The following UBQLN2 variants were observed in gnomAD, a reference collection of about 807,000 sequenced individuals.
UBQLN2 encodes the protein ubiquilin 2.
Under a neutral mutation model 22.2 loss-of-function variants are expected in UBQLN2, and 2 were observed. The observed-to-expected ratio is 0.09, with a 90% CI of 0.04 to 0.28. UBQLN2 has a LOEUF of 0.28. Ranked by LOEUF, UBQLN2 falls within the 10% of genes least tolerant of loss-of-function variation. The probability of loss-of-function intolerance (pLI) is 1.00; values close to 1 mark genes in which losing one functional copy is unlikely to be tolerated. For missense variants in UBQLN2, 446 were observed against 505.1 expected (o/e 0.88, Z 1.12); for synonymous variants, 252 against 206.7 (o/e 1.22, Z -1.88).
rs777889542 is a variant in UBQLN2, at chrX:56,566,157, T to C, written c.*409T>C. The stretch of plus-strand genomic sequence containing the variant: ...ACCTTCACAGTTGGGTGAACAAGTG[T>C]TGTCCTACAGATGTCCAATTTATTT... On this transcript the variant is annotated 3_prime_UTR_variant, in exon 1 of 1. Coordinates refer to ENST00000338222, the MANE Select transcript of UBQLN2 (RefSeq NM_013444.4). 1.5e-5 allele frequency: 3 copies of C among 201,138 alleles called. No homozygotes were observed. Among genetic ancestry groups the C allele is most frequent in the African/African-American group, 3.0e-5 (1 of 33,873 alleles). The allele number at this position is 201,138 out of a possible 1,213,427, so 16.6% of individuals were successfully genotyped here.
At position 56,565,136 on chromosome X, in the gene UBQLN2, G is replaced by A; in HGVS notation, c.1263G>A (p.Gln421=). Residue 421 remains glutamine (Q), a synonymous_variant, in exon 1 of 1, where the codon CAG becomes CAA. Coordinates refer to ENST00000338222, the MANE Select transcript of UBQLN2 (RefSeq NM_013444.4). ...GCCCGCTGTTTACTGCAAATCCTCA[G>A]CTGCAGGAGCAGATGCGGCCACAGC... ...LNSPLFTANP[Q]LQEQMRPQLP... 1 of 1,211,898 alleles carries A rather than the reference G, an allele frequency of 8.3e-7. No individual in the cohort carries two copies. The highest frequency in any genetic ancestry group is 2.2e-5 in the Admixed American group (1 of 46,124).
At position 56,565,664 on chromosome X, in the gene UBQLN2, T is replaced by G. The variant is rs1221317465; in HGVS notation, c.1791T>G (p.Arg597=). The part of the protein sequence containing the change: ...EQLNAMGFLN[R]EANLQALIAT... Reference sequence around the variant, plus strand: ...TCAACGCAATGGGGTTCTTAAACCGTGAAGCAAACTTGCAGGCCCTAATAG... The same window carrying G: ...TCAACGCAATGGGGTTCTTAAACCGGGAAGCAAACTTGCAGGCCCTAATAG... The change falls in exon 1 of 1, where the codon CGT becomes CGG. Residue 597 remains arginine (R), a synonymous_variant. Coordinates refer to ENST00000338222, the MANE Select transcript of UBQLN2 (RefSeq NM_013444.4). 8.3e-7 allele frequency: 1 copy of G among 1,210,584 alleles called. No individual in the cohort carries two copies. Among genetic ancestry groups the G allele is most frequent in the Non-Finnish European group, 1.1e-6 (1 of 895,283 alleles).
At position 56,564,921 on chromosome X, in the gene UBQLN2, A is replaced by AGTAC; in HGVS notation, c.1048_1049insGTAC (p.Thr350SerfsTer10). 1 of 1,211,031 alleles carries AGTAC rather than the reference A, an allele frequency of 8.3e-7. No homozygotes were observed. On this transcript the variant is annotated frameshift_variant, in exon 1 of 1. Coordinates refer to ENST00000338222, the MANE Select transcript of UBQLN2 (RefSeq NM_013444.4). LOFTEE classifies it high-confidence loss of function. ...GTCTGGCAATAGTTCCAGCAATGCT[A>AGTAC]CTGGGAACACCGTTGCTGCCGCTAA...
chrX:56,564,926 G>A lies in UBQLN2; in HGVS notation c.1053G>A (p.Gly351=), dbSNP rs747465894. Residue 351 remains glycine (G), a synonymous_variant, in exon 1 of 1, where the codon GGG becomes GGA. Transcript: ENST00000338222. ...GSGNSSSNAT[G]NTVAAANYVA... is the part of the protein sequence containing the mutation. ...GCAATAGTTCCAGCAATGCTACTGG[G>A]AACACCGTTGCTGCCGCTAATTATG... 7 of 1,208,995 alleles carry A rather than the reference G, an allele frequency of 5.8e-6. No homozygotes were observed. The highest frequency in any genetic ancestry group is 4.6e-4 in the Middle Eastern group (2 of 4,374).
chrX:56,566,007 TTTCC>T lies in UBQLN2; in HGVS notation c.*262_*265del. 1 of 415,211 alleles carries T rather than the reference TTTCC, an allele frequency of 2.4e-6. No individual in the cohort carries two copies. The highest frequency in any genetic ancestry group is 4.3e-6 in the Non-Finnish European group (1 of 230,980). The allele number at this position is 415,211 out of a possible 1,213,427, so 34.2% of individuals were successfully genotyped here. On this transcript the variant is annotated 3_prime_UTR_variant, in exon 1 of 1. Transcript: ENST00000338222. ...CCCTCTTTGTTTCCTTCCTTCCTTA[TTTCC>T]TTTAGTTTCCTTCCTTAGCCGTTTT...
chrX:56,563,828 T>G lies in UBQLN2; in HGVS notation c.-46T>G. On this transcript the variant is annotated 5_prime_UTR_variant, in exon 1 of 1. Transcript: ENST00000338222. ...TCCTCCTTCCCTCGCGCTCTCTCTT[T>G]CGCCCGCCCGCGCCTTCCCTGCCCG... 1 of 1,031,960 alleles carries G rather than the reference T, an allele frequency of 9.7e-7. No individual in the cohort carries two copies. Among genetic ancestry groups the G allele is most frequent in the Non-Finnish European group, 1.3e-6 (1 of 768,130 alleles). The allele number at this position is 1,031,960 out of a possible 1,213,427, so 85.0% of individuals were successfully genotyped here.
In UBQLN2 at chrX:56,565,809, T is replaced by A. The variant is rs766318368; in HGVS notation, c.*61T>A. On this transcript the variant is annotated 3_prime_UTR_variant, in exon 1 of 1. Transcript: ENST00000338222. ...TTTTTGATAATGGCTCTTAAATCTT[T>A]AAACACACACACAAAATCGTTCTTT... 9.4e-4 allele frequency: 944 copies of A among 1,008,639 alleles called. 1 individual carries two copies. Among genetic ancestry groups the A allele is most frequent in the Non-Finnish European group, 1.2e-3 (902 of 728,598 alleles). The allele number at this position is 1,008,639 out of a possible 1,213,427, so 83.1% of individuals were successfully genotyped here. A position where few individuals can be genotyped will look rare whatever the true frequency, so the allele number is the denominator to read the frequency against.
chrX:56,563,882 G>A lies in UBQLN2; in HGVS notation c.9G>A (p.Glu3=). Residue 3 remains glutamate, a synonymous_variant, in exon 1 of 1, where the codon GAG becomes GAA. Transcript: ENST00000338222. ...GCGTCACCGCGGCCGCCATGGCTGA[G>A]AATGGCGAGAGCAGCGGCCCCCCGC... is the stretch of plus-strand genomic sequence containing the variant. The part of the protein sequence containing the change: MA[E]NGESSGPPRP... The A allele has an allele frequency of 1.7e-6, 2 of 1,152,575 alleles. No homozygotes were observed. The highest frequency in any genetic ancestry group is 2.3e-6 in the Non-Finnish European group (2 of 866,739). 95.0% of individuals were successfully genotyped at this position (1,152,575 alleles called of 1,213,427 possible).
chrX:56,564,477 A>T lies in UBQLN2; in HGVS notation c.604A>T (p.Arg202Trp). The T allele has an allele frequency of 8.3e-7, 1 of 1,211,849 alleles. No individual in the cohort carries two copies. Among genetic ancestry groups the T allele is most frequent in the Admixed American group, 2.2e-5 (1 of 46,084 alleles). ...CATGCTTTCGAATCCCGATCTGATG[A>T]GGCAGCTCATTATGGCTAATCCACA... ...QSMLSNPDLM[R>W]QLIMANPQMQ... The change falls in exon 1 of 1, where the codon AGG becomes TGG. Residue 202 changes from arginine (R) to tryptophan (W), a missense_variant. Arg to Trp is a moderately radical substitution (Grantham distance 101, BLOSUM62 -3). Transcript: ENST00000338222.
In UBQLN2 at chrX:56,563,823, CTCTT is replaced by C; in HGVS notation, c.-48_-45del. 1 of 1,007,268 alleles carries C rather than the reference CTCTT, an allele frequency of 9.9e-7. No individual in the cohort carries two copies. Among genetic ancestry groups the C allele is most frequent in the South Asian group, 2.3e-5 (1 of 43,686 alleles). The allele number at this position is 1,007,268 out of a possible 1,213,427, so 83.0% of individuals were successfully genotyped here. ...TTCCTTCCTCCTTCCCTCGCGCTCT[CTCTT>C]TCGCCCGCCCGCGCCTTCCCTGCCC... On this transcript the variant is annotated 5_prime_UTR_variant, in exon 1 of 1. Coordinates refer to ENST00000338222, the MANE Select transcript of UBQLN2 (RefSeq NM_013444.4).
Position 56,566,525 on chromosome X carries a change from C to T in UBQLN2, c.*777C>T, listed in dbSNP as rs1227569745. The T allele has an allele frequency of 8.1e-6, 1 of 123,509 alleles. No homozygotes were observed. The highest frequency in any genetic ancestry group is 3.2e-5 in the African/African-American group (1 of 30,874). The allele number at this position is 123,509 out of a possible 1,213,427, so 10.2% of individuals were successfully genotyped here. On this transcript the variant is annotated 3_prime_UTR_variant, in exon 1 of 1. Coordinates refer to ENST00000338222, the MANE Select transcript of UBQLN2 (RefSeq NM_013444.4). The stretch of plus-strand genomic sequence containing the variant: ...ATCTTACAGCATCTTTGATAAACTT[C>T]TCAGTGAAAATGTTGGCTAGGCAAG...
rs1348490007 is a variant in UBQLN2, at chrX:56,563,785, C to T, written c.-89C>T. ...CCGCCTGACCCGGCCCAGCCCGCTG[C>T]GGCGGTGCCTCCTTCCTTCCTCCTT... is the stretch of plus-strand genomic sequence containing the variant. On this transcript the variant is annotated 5_prime_UTR_variant, in exon 1 of 1. Transcript: ENST00000338222. 1.1e-5 allele frequency: 8 copies of T among 732,155 alleles called. No individual in the cohort carries two copies. Among genetic ancestry groups the T allele is most frequent in the African/African-American group, 4.3e-5 (2 of 46,193 alleles). 60.3% of individuals were successfully genotyped at this position (732,155 alleles called of 1,213,427 possible).
In UBQLN2 at chrX:56,565,993, T is replaced by TCCTTC. The variant is rs1470298057; in HGVS notation, c.*247_*251dup. On this transcript the variant is annotated 3_prime_UTR_variant, in exon 1 of 1. Transcript: ENST00000338222. Reference sequence around the variant, plus strand: ...TCTCCCCACTCCCTCCCTCTTTGTTTCCTTCCTTCCTTATTTCCTTTAGTT... The same window carrying TCCTTC: ...TCTCCCCACTCCCTCCCTCTTTGTTTCCTTCCCTTCCTTCCTTATTTCCTTTAGTT... 1.6e-5 allele frequency: 7 copies of TCCTTC among 429,641 alleles called. No homozygotes were observed. The highest frequency in any genetic ancestry group is 6.5e-4 in the Middle Eastern group (1 of 1,541). The allele number at this position is 429,641 out of a possible 1,213,427, so 35.4% of individuals were successfully genotyped here.
rs2068641079 is a variant in UBQLN2 at position 56,566,086 on chromosome X, C to A, written c.*338C>A. 6.4e-6 allele frequency: 2 copies of A among 310,880 alleles called. No homozygotes were observed. Among genetic ancestry groups the A allele is most frequent in the Non-Finnish European group, 1.2e-5 (2 of 169,571 alleles). The allele number at this position is 310,880 out of a possible 1,213,427, so 25.6% of individuals were successfully genotyped here. On this transcript the variant is annotated 3_prime_UTR_variant, in exon 1 of 1. Coordinates refer to ENST00000338222, the MANE Select transcript of UBQLN2 (RefSeq NM_013444.4). ...CACTCAAAAGTGTTGCATGCAAACACTTCTCTTTATTCTGCATTTATTGTG... is the reference window on the plus strand; with the variant it reads ...CACTCAAAAGTGTTGCATGCAAACAATTCTCTTTATTCTGCATTTATTGTG...
Position 56,566,536 on chromosome X carries a change from T to C in UBQLN2, c.*788T>C. ...TCTTTGATAAACTTCTCAGTGAAAA[T>C]GTTGGCTAGGCAAGTTCAGTTAAAA... On this transcript the variant is annotated 3_prime_UTR_variant, in exon 1 of 1. Coordinates refer to ENST00000338222, the MANE Select transcript of UBQLN2 (RefSeq NM_013444.4). 8.1e-6 allele frequency: 1 copy of C among 123,642 alleles called. No homozygotes were observed. The highest frequency in any genetic ancestry group is 1.9e-5 in the Non-Finnish European group (1 of 53,342). 10.2% of individuals were successfully genotyped at this position (123,642 alleles called of 1,213,427 possible).
In UBQLN2 at chrX:56,564,868, C is replaced by A. The variant is rs750337071; in HGVS notation, c.995C>A (p.Thr332Asn). 1 of 1,211,271 alleles carries A rather than the reference C, an allele frequency of 8.3e-7. No individual in the cohort carries two copies. The highest frequency in any genetic ancestry group is 1.8e-5 in the South Asian group (1 of 56,882). ...PPPATQSSATTSTTTSTGSGS... is the reference protein window; with the variant it reads ...PPPATQSSATNSTTTSTGSGS... ...CCAGCTACCCAGAGTTCTGCAACTA[C>A]CAGCACGACCACAAGCACTGGTAGT... The change falls in exon 1 of 1, where the codon ACC becomes AAC. Residue 332 changes from threonine to asparagine, a missense_variant. Thr to Asn is a moderately conservative substitution (Grantham distance 65). Around this residue, in one of 3 missense-constraint regions of UBQLN2, gnomAD observed 278 missense variants for 279.4 expected, o/e 1.00. Coordinates refer to ENST00000338222, the MANE Select transcript of UBQLN2 (RefSeq NM_013444.4).
Position 56,564,787 on chromosome X carries a change from C to G in UBQLN2, c.914C>G (p.Thr305Arg). ...AGTAGTTCCTCCTCTGGGGAAGGTA[C>G]GCAGCCTTCCCGCACAGAAAATCGC... The part of the protein sequence containing the change: ...VGSSSSSGEG[T>R]QPSRTENRDP... The change falls in exon 1 of 1, where the codon ACG (threonine) becomes AGG (arginine). Residue 305 changes from threonine to arginine, a missense_variant. Physicochemically the swap from Thr to Arg is moderately conservative, Grantham distance 71. Around this residue, in one of 3 missense-constraint regions of UBQLN2, gnomAD observed 278 missense variants for 279.4 expected, o/e 1.00. Transcript: ENST00000338222. 12 of 1,210,941 alleles carry G rather than the reference C, an allele frequency of 9.9e-6. No homozygotes were observed. Among genetic ancestry groups the G allele is most frequent in the South Asian group, 1.8e-5 (1 of 56,914 alleles).
Position 56,565,607 on chromosome X carries a change from A to G in UBQLN2, c.1734A>G (p.Pro578=), listed in dbSNP as rs1271440811. Reference sequence around the variant, plus strand: ...CAAATGCTCCACAGCTGCCGAATCCAGAAGTCAGATTTCAGCAACAACTGG... The same window carrying G: ...CAAATGCTCCACAGCTGCCGAATCCGGAAGTCAGATTTCAGCAACAACTGG... The part of the protein sequence containing the change: ...AGANAPQLPN[P]EVRFQQQLEQ... The change falls in exon 1 of 1, where the codon CCA becomes CCG. Residue 578 remains proline, a synonymous_variant. Transcript: ENST00000338222. The G allele has an allele frequency of 2.2e-5, 27 of 1,212,366 alleles. No homozygotes were observed. The highest frequency in any genetic ancestry group is 3.0e-5 in the Non-Finnish European group (27 of 895,654).
rs751995890 is a variant in UBQLN2 at position 56,565,055 on chromosome X, C to A, written c.1182C>A (p.Ser394Arg). 1 of 1,211,908 alleles carries A rather than the reference C, an allele frequency of 8.3e-7. No homozygotes were observed. The highest frequency in any genetic ancestry group is 1.8e-5 in the South Asian group (1 of 57,008). Residue 394 changes from serine (S) to arginine (R), a missense_variant, in exon 1 of 1, where the codon AGC becomes AGA. Transcript: ENST00000338222. ...TGCTGTCGGCGCCCTACATGAGAAG[C>A]ATGATGCAGTCGCTGAGCCAGAATC... ...QNMLSAPYMR[S>R]MMQSLSQNPD...
Sources: gnomAD v4.1 joint callset for allele counts on GRCh38, gnomAD v4.1.1 for gene constraint, gnomAD v4.1.1 regional missense constraint, MANE v1.5 for transcripts, NCBI Gene and HGNC (gene_info 2026-07-23, HGNC 2026-07-21) for gene names.